REDIC1: variants seen among roughly 807,000 people sequenced by gnomAD.
REDIC1 encodes HEI10 Interacting Protein 1.
At chr12:39,854,012 G>A in the REDIC1 span, among the ~76,000 whole-genome samples, 1 of 151,954 alleles carries the variant, frequency 6.6e-6, no homozygotes, top group East Asian at 1.9e-4. Flanking sequence ...TCAATATGAG[G>A]GGCTTAAAAC....
At chr12:39,645,069 C>T in the REDIC1 span, among the ~76,000 whole-genome samples, 1 of 151,902 alleles carries the variant, frequency 6.6e-6, no homozygotes, top group African/African-American at 2.4e-5. Context: ...TGTGACCCTG[C>T]GTCTTCAGAG....
the REDIC1 span, among the ~76,000 whole-genome samples, chr12:39,854,768 C>T: frequency 6.6e-4 from 100 of 152,264 alleles, 1 homozygote; most frequent in Middle Eastern, 0.01. Flanking sequence ...TCATCCTGTG[C>T]CTGGTGGCCC....
chr12:39,712,684 TATATAC>T, the REDIC1 span, among the ~76,000 whole-genome samples: 3 of 143,316 alleles, frequency 2.1e-5, no homozygotes, highest in Non-Finnish European at 4.6e-5. Flanking sequence ...TATATATGTA[TATATAC>T]GTATACGTGT....
At chr12:39,638,014 T>A in the REDIC1 span, among the ~76,000 whole-genome samples, 2 of 152,028 alleles carry the variant, frequency 1.3e-5, no homozygotes, top group Non-Finnish European at 2.9e-5. Context: ...CCCCTGTTTA[T>A]GTGTGGTGTA....
chr12:39,704,312 C>T, the REDIC1 span, among the ~76,000 whole-genome samples: 1 of 152,056 alleles, frequency 6.6e-6, no homozygotes, highest in Non-Finnish European at 1.5e-5. Flanking sequence ...CCAAAAAACA[C>T]ATGAAAAAAT....
the REDIC1 span, among the ~76,000 whole-genome samples, chr12:39,806,315 A>G: frequency 2.0e-5 from 3 of 152,326 alleles, no homozygotes; most frequent in East Asian, 3.9e-4. Flanking sequence ...TTGCCCAACA[A>G]ATTGTAAGAT....
the REDIC1 span, chr12:39,720,706 A>G: frequency 9.3e-7 from 1 of 1,071,140 alleles, no homozygotes; most frequent in African/African-American, 1.6e-5. Context: ...TTGGGATTTT[A>G]AGAATATATT....
the REDIC1 span, among the ~76,000 whole-genome samples, chr12:39,713,221 T>TAC: frequency 7.0e-6 from 1 of 143,386 alleles, no homozygotes; most frequent in Non-Finnish European, 1.5e-5. Flanking sequence ...ATGTTTATAT[T>TAC]ACACATATAC....
chr12:39,797,740 A>ACATATG, the REDIC1 span, among the ~76,000 whole-genome samples: 148 of 131,476 alleles, frequency 1.1e-3, no homozygotes, highest in African/African-American at 4.0e-3. Flanking sequence ...ACACACACAC[A>ACATATG]CACACACACA....
chr12:39,719,295 A>G, the REDIC1 span, among the ~76,000 whole-genome samples: 1 of 152,160 alleles, frequency 6.6e-6, no homozygotes, highest in African/African-American at 2.4e-5. Flanking sequence ...ATGTGTATGC[A>G]TAAACACATT....
the REDIC1 span, among the ~76,000 whole-genome samples, chr12:39,658,765 A>G: frequency 6.6e-6 from 1 of 152,186 alleles, no homozygotes; most frequent in Non-Finnish European, 1.5e-5. Flanking sequence ...TTTATCAGAT[A>G]TATATTAATG....
the REDIC1 span, chr12:39,757,890 G>A: frequency 3.3e-5 from 5 of 152,002 alleles, no homozygotes; most frequent in African/African-American, 1.2e-4. Context: ...AAGGATTGAG[G>A]CAATTATTTT....
the REDIC1 span, among the ~76,000 whole-genome samples, chr12:39,807,765 G>A: frequency 6.6e-6 from 1 of 152,128 alleles, no homozygotes; most frequent in East Asian, 1.9e-4. Context: ...ATAATGGAGA[G>A]TTGGGTCTTC....
At chr12:39,852,289 C>T in the REDIC1 span, among the ~76,000 whole-genome samples, 13 of 152,254 alleles carry the variant, frequency 8.5e-5, no homozygotes, top group African/African-American at 3.1e-4. Context: ...GTCAGATTTC[C>T]CTTTATGGGC....
chr12:39,700,507 A>G, the REDIC1 span, among the ~76,000 whole-genome samples: 1 of 152,176 alleles, frequency 6.6e-6, no homozygotes, highest in Non-Finnish European at 1.5e-5. Flanking sequence ...GTTGGAAAAC[A>G]CTCCGCAGGA....
the REDIC1 span, among the ~76,000 whole-genome samples, chr12:39,634,623 T>G: frequency 6.6e-6 from 1 of 152,158 alleles, no homozygotes; most frequent in Non-Finnish European, 1.5e-5. Flanking sequence ...TTACACTGTA[T>G]ACTAATATTA....
the REDIC1 span, among the ~76,000 whole-genome samples, chr12:39,714,633 T>A: frequency 1.3e-5 from 2 of 151,866 alleles, no homozygotes; most frequent in African/African-American, 2.4e-5. Flanking sequence ...CTTTAAGTAA[T>A]TTCTATGCTG....
the REDIC1 span, among the ~76,000 whole-genome samples, chr12:39,660,178 G>T: frequency 7.2e-5 from 11 of 152,106 alleles, no homozygotes; most frequent in African/African-American, 2.7e-4. Context: ...TGCATGTGCC[G>T]GTTAGTATTT....
At chr12:39,879,968 T>G in the REDIC1 span, among the ~76,000 whole-genome samples, 1 of 152,184 alleles carries the variant, frequency 6.6e-6, no homozygotes, top group Non-Finnish European at 1.5e-5. Flanking sequence ...GGATCCTTCA[T>G]GGTTTGGTCC....
Sources: allele counts gnomAD v4.1 joint callset (sites outside exome capture counted in the v4.1 genomes callset), GRCh38; gene constraint gnomAD v4.1.1; transcripts MANE v1.5; gene names NCBI Gene and HGNC (gene_info 2026-07-23, HGNC 2026-07-21).